Variants in SCARF1 observed in about 807,000 individuals in gnomAD.
The protein encoded by SCARF1 is acetyl LDL receptor.
A neutral mutation model predicts 76.3 loss-of-function variants in SCARF1; 49 were observed. That is an observed-to-expected ratio of 0.64 (90% CI 0.51 to 0.81). The LOEUF is 0.81. SCARF1 is among the 40% of genes least tolerant of loss of function. The probability of loss-of-function intolerance (pLI) is 0.00; values close to 1 mark genes in which losing one functional copy is unlikely to be tolerated. For synonymous variants in SCARF1, 495 were observed against 474.6 expected (o/e 1.04, Z -0.56); for missense variants, 1,098 against 1,143.9 (o/e 0.96, Z 0.58).
Position 1,645,426 on chromosome 17 carries a change from T to C in SCARF1, c.101+171A>G. The C allele has an allele frequency of 6.8e-7, 1 of 1,469,630 alleles. No individual in the cohort carries two copies. Among genetic ancestry groups the C allele is most frequent in the Middle Eastern group, 2.2e-4 (1 of 4,486 alleles). 91.0% of individuals were successfully genotyped at this position (1,469,630 alleles called of 1,614,324 possible). ...TCCCTGACCCTTCCACCATCTGCCC[T>C]GGCTGGCCACTACCTGCCAGACCGC... On this transcript the variant is annotated intron_variant, in intron 1 of 10. Coordinates refer to ENST00000263071, the MANE Select transcript of SCARF1 (RefSeq NM_003693.4). This position sits in a 1 kb window ranked among gnomAD's most constrained non-coding sequence, Gnocchi z 6.3.
Position 1,643,560 on chromosome 17 carries a change from AC to A in SCARF1, c.672del (p.Glu224AspfsTer143). ...WWGPECQQQC[E>X]CVRGRCSAAS... Reference sequence around the variant, plus strand: ...GCGGCGCTGCAGCGGCCCCGCACACACTCGCACTGCTGCTGGCATTCGGGAC... The same window carrying A: ...GCGGCGCTGCAGCGGCCCCGCACACATCGCACTGCTGCTGGCATTCGGGAC... On this transcript the variant is annotated frameshift_variant, in exon 4 of 11. Transcript: ENST00000263071. LOFTEE classifies it high-confidence loss of function. The A allele has an allele frequency of 6.8e-7, 1 of 1,463,498 alleles. No homozygotes were observed. The highest frequency in any genetic ancestry group is 9.0e-7 in the Non-Finnish European group (1 of 1,114,656). 90.7% of individuals were successfully genotyped at this position (1,463,498 alleles called of 1,614,324 possible).
intron 10 of SCARF1, 116 bp from the exon 11 acceptor site, chr17:1,635,733 G>T: frequency 7.8e-7 from 1 of 1,288,376 alleles, no homozygotes; most frequent in South Asian, 1.6e-5. Context: ...AGAGGGCAAG[G>T]ATGAGGAGAG....
chr17:1,639,922 A>G lies in SCARF1; in HGVS notation c.1129T>C (p.Trp377Arg). 6.2e-7 allele frequency: 1 copy of G among 1,613,542 alleles called. No homozygotes were observed. Among genetic ancestry groups the G allele is most frequent in the Non-Finnish European group, 8.5e-7 (1 of 1,179,752 alleles). Residue 377 changes from tryptophan (W) to arginine (R), a missense_variant, in exon 6 of 11, where the codon TGG becomes CGG. Trp to Arg is a moderately radical substitution (Grantham distance 101). Transcript: ENST00000263071. ...TGDCVCSAGYWGPSCNASCPA... is the reference protein window; with the variant it reads ...TGDCVCSAGYRGPSCNASCPA... ...GATCCCCATCCTTACCTGGGCCCCC[A>G]GTAGCCGGCACTGCAGACACAGTCC...
At chr17:1,637,364 CTATCTA>C (rs1567662308) in intron 8 of SCARF1, among the ~76,000 whole-genome samples, 11,120 of 141,232 alleles carry the variant, frequency 0.079, 477 homozygotes, top group East Asian at 0.13. Flanking sequence ...ATCTATCTAT[CTATCTA>C]TATCTATCCA....
In SCARF1 at chr17:1,638,571, G is replaced by A. The variant is rs527252334; in HGVS notation, c.1364+235C>T. Reference sequence around the variant, plus strand: ...GGTGTCTCCAGTGTCTCCAGGCCACGGGCACTGCCAACTACCTCCATCACC... The same window carrying A: ...GGTGTCTCCAGTGTCTCCAGGCCACAGGCACTGCCAACTACCTCCATCACC... On this transcript the variant is annotated intron_variant, in intron 8 of 10. Transcript: ENST00000263071. The A allele has an allele frequency of 2.8e-4, 102 of 370,346 alleles. 1 individual carries two copies. The highest frequency in any genetic ancestry group is 7.1e-4 in the Middle Eastern group (1 of 1,410). 22.9% of individuals were successfully genotyped at this position (370,346 alleles called of 1,614,324 possible).
Position 1,634,257 on chromosome 17 carries a change from A to T in SCARF1, c.*501T>A, listed in dbSNP as rs986849884. 8 of 185,892 alleles carry T rather than the reference A, an allele frequency of 4.3e-5. No homozygotes were observed. Among genetic ancestry groups the T allele is most frequent in the Middle Eastern group, 1.9e-3 (1 of 522 alleles). 11.5% of individuals were successfully genotyped at this position (185,892 alleles called of 1,614,324 possible). On this transcript the variant is annotated 3_prime_UTR_variant, in exon 11 of 11. Coordinates refer to ENST00000263071, the MANE Select transcript of SCARF1 (RefSeq NM_003693.4). The stretch of plus-strand genomic sequence containing the variant: ...CAAAAAAATTAGCCAAGCGTGGTGG[A>T]GGGCACCTGTAGTCCCAGCTACTCG...
At chr17:1,642,086 G>A (rs1355722258) in intron 4 of SCARF1, among the ~76,000 whole-genome samples, 1 of 151,992 alleles carries the variant, frequency 6.6e-6, no homozygotes, top group Non-Finnish European at 1.5e-5. Flanking sequence ...GCCCTAAAGG[G>A]ACCTTGCTCA....
chr17:1,637,159 G>A, intron 8 of SCARF1, 97 bp from the exon 9 acceptor site: 1 of 1,254,184 alleles, frequency 8.0e-7, no homozygotes, highest in Non-Finnish European at 1.1e-6. Context: ...CTCTACTTCA[G>A]TGGCTTCAGT....
Position 1,639,664 on chromosome 17 carries a change from G to T in SCARF1, c.1218C>A (p.His406Gln). The T allele has an allele frequency of 6.3e-7, 1 of 1,576,548 alleles. No individual in the cohort carries two copies. ...CTGGCTGGCAGGACCCAGAGACAGG[G>T]TGGCAGAGTCCCTCTGGGCATTCAC... ...VPCECPEGLC[H>Q]PVSGSCQPGS... Residue 406 changes from histidine to glutamine, a missense_variant, in exon 7 of 11, where the codon CAC becomes CAA. Transcript: ENST00000263071.
At chr17:1,637,356 CTATCTATCTATCTA>C (rs1567662246) in intron 8 of SCARF1, among the ~76,000 whole-genome samples, 142 of 150,998 alleles carry the variant, frequency 9.4e-4, no homozygotes, top group African/African-American at 3.0e-3. Flanking sequence ...ATCTATCTAT[CTATCTATCTATCTA>C]TATCTATCCA....
Position 1,640,746 on chromosome 17 carries a change from C to A in SCARF1, c.792-80G>T, listed in dbSNP as rs1441368605. 1 of 1,384,168 alleles carries A rather than the reference C, an allele frequency of 7.2e-7. No individual in the cohort carries two copies. The highest frequency in any genetic ancestry group is 2.0e-5 in the Admixed American group (1 of 51,010). The allele number at this position is 1,384,168 out of a possible 1,614,324, so 85.7% of individuals were successfully genotyped here. ...CCCCCTCCTACCCCTGTACTCCACG[C>A]AGGCCTTCGGGGGCCCTGGAGAGTG... On this transcript the variant is annotated intron_variant, in intron 4 of 10. Transcript: ENST00000263071. The surrounding 1 kb of genome is among the most constrained non-coding windows in gnomAD (Gnocchi z 4.7).
Position 1,635,720 on chromosome 17 carries a change from G to A in SCARF1, c.1634-103C>T, listed in dbSNP as rs928075694. ...CCAGGAGGCCTCAAAAATAGGGCAA[G>A]GAAGAGGGCAAGGATGAGGAGAGTG... On this transcript the variant is annotated intron_variant, in intron 10 of 10. Coordinates refer to ENST00000263071, the MANE Select transcript of SCARF1 (RefSeq NM_003693.4). The A allele has an allele frequency of 9.4e-6, 13 of 1,386,904 alleles. No homozygotes were observed. In the South Asian group the frequency reaches 1.7e-4, roughly 19 times the overall value. 85.9% of individuals were successfully genotyped at this position (1,386,904 alleles called of 1,614,324 possible).
In SCARF1 at chr17:1,636,870, G is replaced by C. The variant is rs773753550; in HGVS notation, c.1487-15C>G. 2.5e-6 allele frequency: 4 copies of C among 1,613,872 alleles called. No individual in the cohort carries two copies. In the South Asian group the frequency reaches 4.4e-5, roughly 18 times the overall value. On this transcript the variant is annotated splice_polypyrimidine_tract_variant and intron_variant, in intron 9 of 10. Coordinates refer to ENST00000263071, the MANE Select transcript of SCARF1 (RefSeq NM_003693.4). ...GTGATGTGAGACTGTAGAGACTCCA[G>C]ATCAGGCGCCTGCAGGACCTGATGC... is the stretch of plus-strand genomic sequence containing the variant.
chr17:1,639,700 G>A lies in SCARF1; in HGVS notation c.1182C>T (p.Cys394=). The change falls in exon 7 of 11, where the codon TGC becomes TGT. Residue 394 remains cysteine, a synonymous_variant. Coordinates refer to ENST00000263071, the MANE Select transcript of SCARF1 (RefSeq NM_003693.4). Reference sequence around the variant, plus strand: ...CCTCTGGGCATTCACAAGGAACTGAGCAGTTGTTTCCATGGAAACCGGCTG... The same window carrying A: ...CCTCTGGGCATTCACAAGGAACTGAACAGTTGTTTCCATGGAAACCGGCTG... ...SCPAGFHGNN[C]SVPCECPEGL... 2 of 1,593,254 alleles carry A rather than the reference G, an allele frequency of 1.3e-6. No individual in the cohort carries two copies. Among genetic ancestry groups the A allele is most frequent in the Non-Finnish European group, 1.7e-6 (2 of 1,170,490 alleles).
rs759337797 is a variant in SCARF1, at chr17:1,638,853, G to A, written c.1317C>T (p.Ala439=). ...GGGCCCAGCAGCAGCAGGCACAGCA[G>A]GCAAGGCCCAGGAAGAGCAGCAGCA... The part of the protein sequence containing the change: ...VPLLLLFLGL[A]CCACCCWAPR... Residue 439 remains alanine, a synonymous_variant, in exon 8 of 11, where the codon GCC becomes GCT. Coordinates refer to ENST00000263071, the MANE Select transcript of SCARF1 (RefSeq NM_003693.4). The A allele has an allele frequency of 3.7e-6, 6 of 1,611,074 alleles. No individual in the cohort carries two copies. The highest frequency in any genetic ancestry group is 5.1e-6 in the Non-Finnish European group (6 of 1,178,538).
chr17:1,644,932 A>G lies in SCARF1; in HGVS notation c.167T>C (p.Ile56Thr). 6.2e-7 allele frequency: 1 copy of G among 1,612,854 alleles called. No homozygotes were observed. Residue 56 changes from isoleucine (I) to threonine (T), a missense_variant, in exon 3 of 11, where the codon ATC (isoleucine) becomes ACC (threonine). Physicochemically the swap from Ile to Thr is moderately conservative, Grantham distance 89. Coordinates refer to ENST00000263071, the MANE Select transcript of SCARF1 (RefSeq NM_003693.4). This position sits in a 1 kb window ranked among gnomAD's most constrained non-coding sequence, Gnocchi z 4.8. ...CTGGCAGGCGTCCGGCCCCTCACAG[A>G]TGGCTGAAAGACACCCCACCCAGGT... ...RQKDQECTIP[I>T]CEGPDACQKD...
intron 8 of SCARF1, 147 bp downstream of exon 8, chr17:1,638,659 C>T (rs921570558): frequency 6.8e-5 from 76 of 1,119,032 alleles, no homozygotes; most frequent in Non-Finnish European, 7.8e-5. Flanking sequence ...CCCACGGGGG[C>T]GACAAGGCCA....
intron 8 of SCARF1, among the ~76,000 whole-genome samples, chr17:1,637,365 TATCTATATCTATCC>T (rs1471491199): frequency 1.0e-5 from 1 of 96,562 alleles, no homozygotes; most frequent in African/African-American, 4.6e-5. Flanking sequence ...TCTATCTATC[TATCTATATCTATCC>T]ATCTATCTAT....
intron 4 of SCARF1, among the ~76,000 whole-genome samples, chr17:1,642,402 T>C (rs1277486850): frequency 6.9e-6 from 1 of 144,808 alleles, no homozygotes; most frequent in Non-Finnish European, 1.5e-5. Flanking sequence ...ATTCCATTGT[T>C]CAACTCCCAC....
Sources: gnomAD v4.1 joint callset for allele counts (sites outside exome capture counted in the v4.1 genomes callset) on GRCh38, gnomAD v4.1.1 for gene constraint, Gnocchi (gnomAD v3.1) non-coding constraint, MANE v1.5 for transcripts, NCBI Gene and HGNC (gene_info 2026-07-23, HGNC 2026-07-21) for gene names.